Variants in GAREM1 observed in about 807,000 individuals in gnomAD.
GAREM1 encodes GRB2 associated regulator of MAPK1 subtype 1.
GAREM1 carries 26 observed loss-of-function variants against 71.3 expected under a neutral mutation model. The ratio of observed to expected loss-of-function variants is 0.36; its 90% confidence interval spans 0.27 to 0.51. The LOEUF (loss-of-function observed/expected upper bound fraction) is 0.51. Among genes scored for constraint, GAREM1 ranks in the 20% least tolerant of loss-of-function variants. The pLI is 0.95. For synonymous variants in GAREM1, 440 were observed against 433.2 expected (o/e 1.02, Z -0.20); for missense variants, 1,026 against 1,103.1 (o/e 0.93, Z 0.99).
chr18:32,319,425 T>G (rs1436089487), intron 2 of GAREM1, among the ~76,000 whole-genome samples: 3 of 152,194 alleles, frequency 2.0e-5, no homozygotes, highest in Non-Finnish European at 4.4e-5. Context: ...GATTGCCCCA[T>G]AAAAGATATG....
intron 4 of GAREM1, among the ~76,000 whole-genome samples, chr18:32,283,207 C>T (rs2046972280): frequency 6.6e-6 from 1 of 152,196 alleles, no homozygotes; most frequent in Non-Finnish European, 1.5e-5. Context: ...AGAGAACGGC[C>T]TCTCATATTC....
At chr18:32,324,590 A>G (rs1042661587) in intron 2 of GAREM1, among the ~76,000 whole-genome samples, 1 of 152,244 alleles carries the variant, frequency 6.6e-6, no homozygotes, top group African/African-American at 2.4e-5. Context: ...ACACAGTATT[A>G]TCAAAAGAGG....
chr18:32,310,422 G>A (rs960313564), intron 2 of GAREM1, 99 bp from the exon 3 acceptor site: 72 of 1,206,264 alleles, frequency 6.0e-5, no homozygotes, highest in Non-Finnish European at 7.7e-5. Flanking sequence ...CCCTTTTTTT[G>A]TCAAAGATTC....
chr18:32,390,683 T>C lies in GAREM1; in HGVS notation c.262+2212A>G, dbSNP rs184442266. 6.6e-5 allele frequency among the ~76,000 whole-genome samples: 10 copies of C among 152,340 alleles called. No individual in the cohort carries two copies. In the East Asian group the frequency reaches 1.7e-3, roughly 26 times the overall value. ...TTCTTCCCAATGGAAGCTGGATGGTTCTTTTAAAAAGAAGTTCCAAACACC... is the reference window on the plus strand; with the variant it reads ...TTCTTCCCAATGGAAGCTGGATGGTCCTTTTAAAAAGAAGTTCCAAACACC... On this transcript the variant is annotated intron_variant, in intron 2 of 5. Transcript: ENST00000269209.
At chr18:32,271,984 C>A (rs1177827414) in intron 4 of GAREM1, among the ~76,000 whole-genome samples, 2 of 152,164 alleles carry the variant, frequency 1.3e-5, no homozygotes, top group African/African-American at 4.8e-5. Flanking sequence ...AAATGCTATG[C>A]TTTGAAATGC....
chr18:32,451,816 C>A (rs1229991939), intron 1 of GAREM1, among the ~76,000 whole-genome samples: 1 of 152,152 alleles, frequency 6.6e-6, no homozygotes, highest in South Asian at 2.1e-4. Context: ...ATTGGAGGAG[C>A]ATGTTTGCAA....
chr18:32,271,424 A>G (rs1308431189), intron 4 of GAREM1, among the ~76,000 whole-genome samples: 1 of 152,066 alleles, frequency 6.6e-6, no homozygotes, highest in Non-Finnish European at 1.5e-5. Context: ...AACTCCTTGC[A>G]TCTACTTGCC....
At chr18:32,461,422 G>T (rs1008860448) in intron 1 of GAREM1, among the ~76,000 whole-genome samples, 8 of 152,198 alleles carry the variant, frequency 5.3e-5, no homozygotes, top group Admixed American at 1.3e-4. Flanking sequence ...CCTGCCAGGG[G>T]TGGTGGCTCA....
At position 32,470,527 on chromosome 18, in the gene GAREM1, G is replaced by T; in HGVS notation, c.-99C>A. 1 of 891,772 alleles carries T rather than the reference G, an allele frequency of 1.1e-6. No individual in the cohort carries two copies. Among genetic ancestry groups the T allele is most frequent in the Non-Finnish European group, 1.4e-6 (1 of 740,464 alleles). The allele number at this position is 891,772 out of a possible 1,614,324, so 55.2% of individuals were successfully genotyped here. Reference sequence around the variant, plus strand: ...TGCTCGCGCTCGCGGTCTGGGGCGCGCGGGAGGCGCCGGGCAGCTCCGGCC... The same window carrying T: ...TGCTCGCGCTCGCGGTCTGGGGCGCTCGGGAGGCGCCGGGCAGCTCCGGCC... On this transcript the variant is annotated 5_prime_UTR_variant, in exon 1 of 6. Transcript: ENST00000269209. The surrounding 1 kb of genome is among the most constrained non-coding windows in gnomAD (Gnocchi z 4.4).
chr18:32,324,675 C>T (rs1310617870), intron 2 of GAREM1, among the ~76,000 whole-genome samples: 1 of 152,178 alleles, frequency 6.6e-6, no homozygotes, highest in Non-Finnish European at 1.5e-5. Context: ...TTAGCAAAGA[C>T]ACAAAGTAAA....
chr18:32,435,894 G>T (rs1200726243), intron 1 of GAREM1, among the ~76,000 whole-genome samples: 1 of 152,052 alleles, frequency 6.6e-6, no homozygotes, highest in Non-Finnish European at 1.5e-5. Flanking sequence ...TGTGAGAAAG[G>T]TTATTACTAG....
chr18:32,460,814 C>T lies in GAREM1; in HGVS notation c.121+9494G>A, dbSNP rs568834457. 1.2e-3 allele frequency among the ~76,000 whole-genome samples: 189 copies of T among 152,144 alleles called. 1 individual carries two copies. Among genetic ancestry groups the T allele is most frequent in the African/African-American group, 4.5e-3 (186 of 41,484 alleles). ...TTTCTAAGATTCATGGCATTCTAGT[C>T]CATATACTCAGGAGTCATATGAAGA... On this transcript the variant is annotated intron_variant, in intron 1 of 5. Transcript: ENST00000269209.
Position 32,267,747 on chromosome 18 carries a change from A to C in GAREM1, c.*124T>G. On this transcript the variant is annotated 3_prime_UTR_variant, in exon 6 of 6. Coordinates refer to ENST00000269209, the MANE Select transcript of GAREM1 (RefSeq NM_001242409.2). ...TCAAAAACGTAATCTGCATAGTAAG[A>C]GTTTCTCTTATCCCTATTTACAGAG... The C allele has an allele frequency of 1.4e-6, 1 of 706,428 alleles. No homozygotes were observed. The allele number at this position is 706,428 out of a possible 1,614,324, so 43.8% of individuals were successfully genotyped here.
Position 32,453,556 on chromosome 18 carries a change from T to C in GAREM1, c.121+16752A>G, listed in dbSNP as rs545623909. ...GGTTTGTGGCTGCATTACCCCAATC[T>C]CTGCAACCATCGTTACCCTGCCTCC... On this transcript the variant is annotated intron_variant, in intron 1 of 5. Transcript: ENST00000269209. Among the ~76,000 whole-genome samples, 5 of 152,214 alleles carry C rather than the reference T, an allele frequency of 3.3e-5. No homozygotes were observed. In the East Asian group the frequency reaches 9.7e-4, roughly 29 times the overall value.
At chr18:32,270,451 T>C in intron 4 of GAREM1, 68 bp from the exon 5 acceptor site, 1 of 1,380,528 alleles carries the variant, frequency 7.2e-7, no homozygotes, top group Non-Finnish European at 9.9e-7. Context: ...AGCTCAATCC[T>C]GAAGACTTGC....
At chr18:32,452,781 T>C (rs1005876535) in intron 1 of GAREM1, among the ~76,000 whole-genome samples, 2 of 151,910 alleles carry the variant, frequency 1.3e-5, no homozygotes, top group Non-Finnish European at 2.9e-5. Context: ...CCCATCAGCC[T>C]ACTGATGAAT....
chr18:32,316,765 C>T lies in GAREM1; in HGVS notation c.263-6442G>A, dbSNP rs11081756. 6.1e-3 allele frequency among the ~76,000 whole-genome samples: 921 copies of T among 152,202 alleles called. 11 individuals carry two copies. The highest frequency in any genetic ancestry group is 0.02 in the African/African-American group (839 of 41,534). ...ATGCAGCCCTACTTTGCATTTCTTG[C>T]GCCCCACAAATGTCTTTAAAATAGA... is the stretch of plus-strand genomic sequence containing the variant. On this transcript the variant is annotated intron_variant, in intron 2 of 5. Transcript: ENST00000269209.
intron 2 of GAREM1, among the ~76,000 whole-genome samples, chr18:32,357,038 G>C (rs1449410931): frequency 6.6e-6 from 1 of 152,172 alleles, no homozygotes; most frequent in Non-Finnish European, 1.5e-5. Flanking sequence ...TCCTTTCTGA[G>C]AGTAGGGACA....
At chr18:32,290,294 T>C (rs1240493608) in intron 3 of GAREM1, 1 of 152,160 alleles carries the variant, frequency 6.6e-6, no homozygotes, top group Non-Finnish European at 1.5e-5. Context: ...GACTTGTGTT[T>C]ATTCTGACTC....
Sources: gnomAD v4.1 joint callset for allele counts (sites outside exome capture counted in the v4.1 genomes callset) on GRCh38, gnomAD v4.1.1 for gene constraint, Gnocchi (gnomAD v3.1) non-coding constraint, MANE v1.5 for transcripts, NCBI Gene and HGNC (gene_info 2026-07-23, HGNC 2026-07-21) for gene names.